Variants in NTM observed in about 807,000 individuals in gnomAD.
The protein encoded by NTM is IgLON family member 2.
In NTM, 13 loss-of-function variants were observed where a neutral mutation model predicts 42.1. That is an observed-to-expected ratio of 0.31 (90% CI 0.20 to 0.49). The LOEUF (loss-of-function observed/expected upper bound fraction) is 0.49. Among genes scored for constraint, NTM ranks in the 20% least tolerant of loss-of-function variants. The pLI, the probability that NTM is intolerant of heterozygous loss-of-function variation, is 0.99. For synonymous variants in NTM, 187 were observed against 179.2 expected (o/e 1.04, Z -0.35); for missense variants, 373 against 452.8 (o/e 0.82, Z 1.60).
chr11:131,751,773 C>CCCCCG (rs1555112295), intron 1 of NTM, among the ~76,000 whole-genome samples: 1 of 143,006 alleles, frequency 7.0e-6, no homozygotes, highest in Non-Finnish European at 1.5e-5. Context: ...TCACCCCCCC[C>CCCCCG]CAAAATATAT....
intron 7 of NTM, among the ~76,000 whole-genome samples, chr11:132,319,187 G>T (rs1389102408): frequency 1.3e-5 from 2 of 152,174 alleles, no homozygotes; most frequent in African/African-American, 4.8e-5. Flanking sequence ...AGCTCCCAGT[G>T]TGAGCGACGC....
chr11:132,275,234 A>G (rs116066637), intron 4 of NTM, among the ~76,000 whole-genome samples: 5 of 152,064 alleles, frequency 3.3e-5, no homozygotes, highest in Admixed American at 3.3e-4. Context: ...AGGCATTGAG[A>G]TATTTTTTCA....
chr11:131,718,382 T>A (rs769018396), intron 1 of NTM, among the ~76,000 whole-genome samples: 1 of 152,208 alleles, frequency 6.6e-6, no homozygotes, highest in Non-Finnish European at 1.5e-5. Flanking sequence ...AAATTCAATG[T>A]GTTTTGGCTC....
chr11:131,601,341 G>A (rs181867874), intron 1 of NTM, among the ~76,000 whole-genome samples: 1 of 152,246 alleles, frequency 6.6e-6, no homozygotes, highest in African/African-American at 2.4e-5. Context: ...GCATAAGTTT[G>A]GCAGAGTCAT....
chr11:132,041,753 G>A (rs2077237237), intron 2 of NTM, among the ~76,000 whole-genome samples: 1 of 152,176 alleles, frequency 6.6e-6, no homozygotes, highest in African/African-American at 2.4e-5. Flanking sequence ...TGGAATGACT[G>A]TGGCCTTTGG....
At chr11:131,424,203 C>G (rs369702278) in intron 1 of NTM, among the ~76,000 whole-genome samples, 204 of 152,192 alleles carry the variant, frequency 1.3e-3, no homozygotes, top group African/African-American at 4.8e-3. Context: ...TTTCTGCTCT[C>G]TCACTTATTT....
intron 4 of NTM, among the ~76,000 whole-genome samples, chr11:132,262,966 G>A (rs952113641): frequency 6.6e-6 from 1 of 152,214 alleles, no homozygotes; most frequent in South Asian, 2.1e-4. Flanking sequence ...AATGGGGTAG[G>A]CATTCCCATT....
chr11:131,726,543 C>T (rs1302133307), intron 1 of NTM, among the ~76,000 whole-genome samples: 1 of 151,166 alleles, frequency 6.6e-6, no homozygotes, highest in Admixed American at 6.6e-5. Context: ...TCGCACAGCA[C>T]AGAACAGAAA....
intron 7 of NTM, among the ~76,000 whole-genome samples, chr11:132,321,271 A>G (rs2095562502): frequency 1.3e-5 from 2 of 152,152 alleles, no homozygotes; most frequent in African/African-American, 4.8e-5. Context: ...AGAAGTTGAA[A>G]ACTTTGAAAA....
At chr11:131,989,139 A>G (rs893816733) in intron 2 of NTM, among the ~76,000 whole-genome samples, 1 of 152,162 alleles carries the variant, frequency 6.6e-6, no homozygotes, top group Admixed American at 6.5e-5. Context: ...CCTTTTTAAA[A>G]TACACTGGAC....
intron 1 of NTM, among the ~76,000 whole-genome samples, chr11:131,815,686 C>G (rs761654460): frequency 6.6e-6 from 1 of 152,182 alleles, no homozygotes; most frequent in Non-Finnish European, 1.5e-5. Flanking sequence ...TCCAGCCTCT[C>G]CCTTCTCTCA....
At chr11:131,528,485 G>A (rs755834582) in intron 1 of NTM, among the ~76,000 whole-genome samples, 2 of 152,184 alleles carry the variant, frequency 1.3e-5, no homozygotes, top group South Asian at 2.1e-4. Context: ...AACTTTCACA[G>A]GTTCACACAG....
At chr11:132,193,192 A>G (rs922607097) in intron 3 of NTM, among the ~76,000 whole-genome samples, 3 of 152,174 alleles carry the variant, frequency 2.0e-5, no homozygotes, top group Non-Finnish European at 4.4e-5. Context: ...CAGAATGACA[A>G]CAGAATATAC....
intron 2 of NTM, among the ~76,000 whole-genome samples, chr11:132,047,660 G>T (rs538033453): frequency 6.6e-6 from 1 of 152,180 alleles, no homozygotes; most frequent in African/African-American, 2.4e-5. Context: ...TTCTTGACCC[G>T]GTGGCCAGGC....
chr11:131,763,589 C>T (rs1415029391), intron 1 of NTM, among the ~76,000 whole-genome samples: 1 of 151,900 alleles, frequency 6.6e-6, no homozygotes, highest in Non-Finnish European at 1.5e-5. Context: ...GTGATAAAAT[C>T]CCTATACATG....
chr11:132,238,871 A>T (rs886415421), intron 4 of NTM, among the ~76,000 whole-genome samples: 5 of 152,182 alleles, frequency 3.3e-5, no homozygotes, highest in African/African-American at 1.2e-4. Context: ...GGGGATGCTG[A>T]TGTTGCAGGT....
chr11:131,515,053 C>A (rs917500805), intron 1 of NTM, among the ~76,000 whole-genome samples: 2 of 152,078 alleles, frequency 1.3e-5, no homozygotes, highest in African/African-American at 4.8e-5. Flanking sequence ...GAACTACTAC[C>A]AGCATGTGCC....
intron 1 of NTM, chr11:131,534,139 T>C (rs893542754): frequency 6.6e-6 from 1 of 152,182 alleles, no homozygotes; most frequent in Admixed American, 6.5e-5. Context: ...TAGATAGTGA[T>C]AGCAAGGAAA....
At chr11:131,790,281 A>G (rs2090743510) in intron 1 of NTM, among the ~76,000 whole-genome samples, 3 of 152,180 alleles carry the variant, frequency 2.0e-5, no homozygotes, top group Admixed American at 6.5e-5. Flanking sequence ...GCTCTATTCC[A>G]GGATAGACTG....
Sources: gnomAD v4.1 joint callset for allele counts (sites outside exome capture counted in the v4.1 genomes callset) on GRCh38, gnomAD v4.1.1 for gene constraint, MANE v1.5 for transcripts, NCBI Gene and HGNC (gene_info 2026-07-23, HGNC 2026-07-21) for gene names.